The following ADGRE2 variants were observed in gnomAD, a reference collection of about 807,000 sequenced individuals.
ADGRE2 encodes the protein CD97 antigen.
A neutral mutation model predicts 100.8 loss-of-function variants in ADGRE2; 83 were observed. That is an observed-to-expected ratio of 0.82 (90% confidence interval 0.69 to 0.99). The LOEUF is 0.99. Ranked by LOEUF, ADGRE2 falls within the 50% of genes least tolerant of loss-of-function variation. The pLI is 0.00. For synonymous variants in ADGRE2, 355 were observed against 413.0 expected, an observed-to-expected ratio of 0.86 and a Z score of 1.70; for missense variants, 814 against 1,035.7, an observed-to-expected ratio of 0.79 and a Z score of 2.94.
At chr19:14,725,175 A>G in the ADGRE2 span, among the ~76,000 whole-genome samples, 1 of 152,108 alleles carries the variant, frequency 6.6e-6, no homozygotes, top group South Asian at 2.1e-4. Context: ...GGGAGATTGC[A>G]TGCTCTTTTA....
intron 20 of ADGRE2, among the ~76,000 whole-genome samples, chr19:14,739,051 C>A (rs928615284): frequency 3.4e-5 from 5 of 149,166 alleles, no homozygotes; most frequent in African/African-American, 1.2e-4. Flanking sequence ...TTTACTGCAA[C>A]CTCTGCCTCC....
rs1182717641 is a variant in ADGRE2 at position 14,772,378 on chromosome 19, T to A, written c.319A>T (p.Lys107Ter). ...TTCTCGCTCTCATTCTTGAATGTTT[T>A]TGCCCCAGAAACAGGCTCATATCCT... ...SPGYEPVSGA[K>*]TFKNESENTC... The change falls in exon 5 of 21, where the codon AAA becomes TAA. Residue 107 changes from lysine to a stop codon, truncating the protein, a stop_gained. Transcript: ENST00000315576. LOFTEE classifies it high-confidence loss of function. The A allele has an allele frequency of 4.3e-6, 7 of 1,614,122 alleles. No individual in the cohort carries two copies. The South Asian group carries it at 6.6e-5, about 15-fold the overall frequency.
downstream of ADGRE2, among the ~76,000 whole-genome samples, chr19:14,730,001 A>C (rs150192195): frequency 3.2e-3 from 492 of 152,252 alleles, 2 homozygotes; most frequent in African/African-American, 0.011. Context: ...TAAAATGACT[A>C]CTTTAGCCAA....
chr19:14,764,757 G>T (rs183725720), intron 10 of ADGRE2, 147 bp from the exon 11 acceptor site: 2 of 812,508 alleles, frequency 2.5e-6, no homozygotes, highest in Non-Finnish European at 3.8e-6. Flanking sequence ...GGTGGCTCAC[G>T]CCTCTAATTC....
At chr19:14,757,201 A>C (rs2043530577) in intron 11 of ADGRE2, among the ~76,000 whole-genome samples, 1 of 152,178 alleles carries the variant, frequency 6.6e-6, no homozygotes, top group Admixed American at 6.5e-5. Flanking sequence ...TCTGGCCTAC[A>C]AAAGTGTTTG....
intron 5 of ADGRE2, among the ~76,000 whole-genome samples, chr19:14,769,981 A>T (rs1423474550): frequency 6.6e-6 from 1 of 152,208 alleles, no homozygotes. Context: ...TACAGGCATG[A>T]GCCACTGCGC....
At chr19:14,739,222 G>A (rs2042851872) in intron 20 of ADGRE2, among the ~76,000 whole-genome samples, 1 of 152,092 alleles carries the variant, frequency 6.6e-6, no homozygotes. Context: ...TGCCCGCCTT[G>A]GCCTCCCAAA....
At chr19:14,746,426 G>A in intron 17 of ADGRE2, 103 bp from the exon 18 acceptor site, 1 of 696,456 alleles carries the variant, frequency 1.4e-6, no homozygotes, top group South Asian at 1.8e-5. Context: ...AGGCTGGAGT[G>A]TGGCGGTGCA....
At position 14,755,788 on chromosome 19, in the gene ADGRE2, G is replaced by A. The variant is rs143281951; in HGVS notation, c.1282C>T (p.Leu428Phe). The change falls in exon 13 of 21, where the codon CTT (leucine) becomes TTT (phenylalanine). Residue 428 changes from leucine (L) to phenylalanine (F), a missense_variant. Leu to Phe is a conservative substitution (Grantham distance 22). Around this residue, in one of 5 missense-constraint regions of ADGRE2, gnomAD observed 569 missense variants for 692.7 expected, o/e 0.82. Coordinates refer to ENST00000315576, the MANE Select transcript of ADGRE2 (RefSeq NM_013447.4). ...PLVLEPEKQMLLHETHQGLLQ... is the reference protein window; with the variant it reads ...PLVLEPEKQMFLHETHQGLLQ... ...AAGCCCTGGTGTGTCTCATGCAGAA[G>A]CATCTGCTTCTCAGGTTCCAGGACC... 1.1e-3 allele frequency: 1,748 copies of A among 1,614,180 alleles called. 4 individuals are homozygous for A. Among genetic ancestry groups the A allele is most frequent in the Middle Eastern group, 1.3e-3 (8 of 6,062 alleles).
At chr19:14,752,810 C>T (rs1051611255) in intron 14 of ADGRE2, among the ~76,000 whole-genome samples, 2 of 150,862 alleles carry the variant, frequency 1.3e-5, no homozygotes, top group South Asian at 2.1e-4. Flanking sequence ...CTTGCTCTGT[C>T]GCCCAGGCTG....
chr19:14,742,126 A>G (rs1222875763), intron 20 of ADGRE2: 2 of 398,606 alleles, frequency 5.0e-6, no homozygotes, highest in Admixed American at 4.4e-5. Context: ...ATCATTGCTA[A>G]TGGTTAATGA....
chr19:14,758,418 T>G (rs1183162877), intron 11 of ADGRE2, among the ~76,000 whole-genome samples: 1 of 152,184 alleles, frequency 6.6e-6, no homozygotes, highest in African/African-American at 2.4e-5. Context: ...CATGAAAAGA[T>G]GTTAAACATC....
At chr19:14,752,028 G>T (rs2043312961) in intron 15 of ADGRE2, among the ~76,000 whole-genome samples, 1 of 151,126 alleles carries the variant, frequency 6.6e-6, no homozygotes, top group Admixed American at 6.6e-5. Flanking sequence ...CCACCTCCTG[G>T]GTTCAAGAGA....
chr19:14,724,847 T>A, the ADGRE2 span, among the ~76,000 whole-genome samples: 2 of 152,194 alleles, frequency 1.3e-5, no homozygotes. Flanking sequence ...TGTGCATTAA[T>A]TCTTTCCGTG....
intron 20 of ADGRE2, chr19:14,741,503 G>A (rs1227599132): frequency 8.0e-6 from 1 of 125,184 alleles, no homozygotes; most frequent in African/African-American, 3.2e-5. Flanking sequence ...TTGAGACAGA[G>A]TCTCGTTCTG....
intron 11 of ADGRE2, among the ~76,000 whole-genome samples, chr19:14,759,503 A>ATATATATTTTTTTT (rs60789454): frequency 1.5e-5 from 2 of 133,380 alleles, no homozygotes; most frequent in African/African-American, 5.9e-5. Flanking sequence ...ATATATATAT[A>ATATATATTTTTTTT]TTTTTTTTTT....
At chr19:14,763,449 G>C (rs2043804426) in intron 11 of ADGRE2, among the ~76,000 whole-genome samples, 1 of 151,884 alleles carries the variant, frequency 6.6e-6, no homozygotes, top group South Asian at 2.1e-4. Flanking sequence ...TAAATAAATT[G>C]TTCTCTTTTG....
chr19:14,751,583 A>T lies in ADGRE2; in HGVS notation c.1877T>A (p.Leu626His). The T allele has an allele frequency of 6.2e-7, 1 of 1,614,056 alleles. No homozygotes were observed. Among genetic ancestry groups the T allele is most frequent in the Non-Finnish European group, 8.5e-7 (1 of 1,180,008 alleles). ...WMLLEALYLF[L>H]TARNLTVVNY... ...GACCACCGTCAGGTTCCGTGCAGTG[A>T]GGAAGAGGTACAGGGCCTCCAGCAG... Residue 626 changes from leucine to histidine, a missense_variant, in exon 16 of 21, where the codon CTC becomes CAC. Leu to His is a moderately conservative substitution (Grantham distance 99). Around this residue, in one of 5 missense-constraint regions of ADGRE2, gnomAD observed 569 missense variants for 692.7 expected, o/e 0.82. Transcript: ENST00000315576.
At chr19:14,770,669 C>CTTTTCTTTTTCTTT (rs1380079488) in intron 5 of ADGRE2, among the ~76,000 whole-genome samples, 1 of 85,012 alleles carries the variant, frequency 1.2e-5, no homozygotes, top group Non-Finnish European at 2.3e-5. Context: ...TCTTTCTTTT[C>CTTTTCTTTTTCTTT]TTTTTTTTTT....
Sources: allele counts gnomAD v4.1 joint callset (sites outside exome capture counted in the v4.1 genomes callset), GRCh38; gene constraint gnomAD v4.1.1; regional missense constraint gnomAD v4.1.1; transcripts MANE v1.5; gene names NCBI Gene and HGNC (gene_info 2026-07-23, HGNC 2026-07-21).